The following PINK1 variants were observed in gnomAD, a reference collection of about 807,000 sequenced individuals.
The protein encoded by PINK1 is serine/threonine-protein kinase PINK1, mitochondrial.
Under a neutral mutation model 56.0 loss-of-function variants are expected in PINK1, and 58 were observed. The ratio of observed to expected loss-of-function variants is 1.04; its 90% CI spans 0.84 to 1.29. PINK1 has a LOEUF of 1.29. PINK1 is among the 50% of genes most tolerant of loss of function. The pLI is 0.00. For missense variants in PINK1, 745 were observed against 777.9 expected (o/e 0.96, Z 0.50); for synonymous variants, 354 against 339.3 (o/e 1.04, Z -0.48).
intron 5 of PINK1, 178 bp from the exon 6 acceptor site, chr1:20,648,327 C>A (rs1349103961): frequency 5.0e-5 from 41 of 813,698 alleles, no homozygotes; most frequent in Middle Eastern, 6.5e-4. Context: ...GAGGCATTTC[C>A]GTGTTCGCAC....
Position 20,637,899 on chromosome 1 carries a change from C to T in PINK1, c.445C>T (p.Gln149Ter), listed in dbSNP as rs2053073190. Residue 149 changes from glutamine (Q) to a stop codon, truncating the protein, a stop_gained, in exon 2 of 8, where the codon CAG (glutamine) becomes TAG (stop). Coordinates refer to ENST00000321556, the MANE Select transcript of PINK1 (RefSeq NM_032409.3). LOFTEE classifies it high-confidence loss of function. Reference protein sequence around the residue: ...GPDPLDTRRLQGFRLEEYLIG... With the variant: ...GPDPLDTRRL ...TGACCCGTTGGACACGAGACGCTTG[C>T]AGGGCTTTCGGCTGGAGGAGTATCT... 3 of 1,614,218 alleles carry T rather than the reference C, an allele frequency of 1.9e-6. No homozygotes were observed. The highest frequency in any genetic ancestry group is 2.5e-6 in the Non-Finnish European group (3 of 1,180,040).
intron 3 of PINK1, among the ~76,000 whole-genome samples, chr1:20,644,268 G>GGACA (rs1557563838): frequency 6.6e-6 from 1 of 152,118 alleles, no homozygotes; most frequent in Non-Finnish European, 1.5e-5. Flanking sequence ...ATGGACGGAC[G>GGACA]GACAGACGGA....
intron 1 of PINK1, among the ~76,000 whole-genome samples, chr1:20,635,878 A>G (rs1021458356): frequency 6.8e-6 from 1 of 146,930 alleles, no homozygotes; most frequent in Non-Finnish European, 1.5e-5. Flanking sequence ...AAAATAAAAA[A>G]TTCTGAAGCC....
intron 2 of PINK1, chr1:20,639,674 A>G (rs555900636): frequency 6.9e-5 from 43 of 625,576 alleles, no homozygotes; most frequent in African/African-American, 6.8e-4. Context: ...GAGTTTGAGG[A>G]GTGTGAAGAA....
chr1:20,639,970 G>A lies in PINK1; in HGVS notation c.754G>A (p.Glu252Lys), dbSNP rs1310430648. Residue 252 changes from glutamate to lysine, a missense_variant, in exon 3 of 8, where the codon GAG becomes AAG. Transcript: ENST00000321556. ...VPASRVALAG[E>K]YGAVTYRKSK... ...AGCGAGCCGAGTGGCCTTGGCTGGG[G>A]AGTATGGAGCAGTCACTTACAGGTA... 7.5e-6 allele frequency: 12 copies of A among 1,610,698 alleles called. No individual in the cohort carries two copies. Among genetic ancestry groups the A allele is most frequent in the Admixed American group, 6.7e-5 (4 of 59,718 alleles).
intron 1 of PINK1, 47 bp downstream of exon 1, chr1:20,633,982 C>T (rs2053025471): frequency 1.1e-5 from 5 of 435,228 alleles, no homozygotes; most frequent in Non-Finnish European, 1.6e-5. Context: ...GAGCTAAGCG[C>T]GGGGGCGGGT....
At chr1:20,649,396 AG>A in intron 7 of PINK1, 165 bp downstream of exon 7, 1 of 684,210 alleles carries the variant, frequency 1.5e-6, no homozygotes, top group South Asian at 1.8e-5. Flanking sequence ...TGTAGGTAGG[AG>A]TAGGAGCACT....
intron 3 of PINK1, among the ~76,000 whole-genome samples, chr1:20,642,506 G>A (rs1281545913): frequency 1.3e-5 from 2 of 152,170 alleles, no homozygotes; most frequent in Admixed American, 1.3e-4. Flanking sequence ...TGGGAGGAGT[G>A]AGTATGAAAC....
chr1:20,635,950 T>C (rs2053052893), intron 1 of PINK1, among the ~76,000 whole-genome samples: 1 of 152,196 alleles, frequency 6.6e-6, no homozygotes. Context: ...GAGAATCTCT[T>C]GAGCCCAGGA....
chr1:20,648,936 G>T lies in PINK1; in HGVS notation c.1252-59G>T. 4 of 1,544,568 alleles carry T rather than the reference G, an allele frequency of 2.6e-6. No individual in the cohort carries two copies. In the Admixed American group the frequency reaches 5.0e-5, roughly 19 times the overall value. ...TAGCCCATGGATCAGGTGATGTGCA[G>T]GACATGAAAAGGTTAGATGGGCGGG... On this transcript the variant is annotated intron_variant, in intron 6 of 7. Transcript: ENST00000321556.
chr1:20,650,124 AGAG>A, intron 7 of PINK1: 1 of 439,056 alleles, frequency 2.3e-6, no homozygotes, highest in East Asian at 4.8e-5. Flanking sequence ...ATGAAATGAT[AGAG>A]GAGACTACTT....
Position 20,649,168 on chromosome 1 carries a change from C to G in PINK1, c.1425C>G (p.Pro475=). The part of the protein sequence containing the change: ...SYQEAQLPAL[P]ESVPPDVRQL... Reference sequence around the variant, plus strand: ...AAGAGGCTCAGCTACCTGCACTGCCCGAGTCAGTGCCTCCAGACGTGAGAC... The same window carrying G: ...AAGAGGCTCAGCTACCTGCACTGCCGGAGTCAGTGCCTCCAGACGTGAGAC... Residue 475 remains proline (P), a synonymous_variant, in exon 7 of 8, where the codon CCC becomes CCG. Transcript: ENST00000321556. 5 of 1,614,202 alleles carry G rather than the reference C, an allele frequency of 3.1e-6. No homozygotes were observed. The highest frequency in any genetic ancestry group is 4.2e-6 in the Non-Finnish European group (5 of 1,180,038).
chr1:20,643,988 GAAT>G (rs2154533814), intron 3 of PINK1, among the ~76,000 whole-genome samples: 1 of 151,898 alleles, frequency 6.6e-6, no homozygotes, highest in African/African-American at 2.4e-5. Flanking sequence ...TAATAAAATA[GAAT>G]AATTATGACA....
At chr1:20,646,858 A>ATTTC (rs1342484252) in intron 5 of PINK1, among the ~76,000 whole-genome samples, 2 of 62,676 alleles carry the variant, frequency 3.2e-5, no homozygotes, top group African/African-American at 4.3e-5. Context: ...GGCTTTTATT[A>ATTTC]TTTCTTTATT....
chr1:20,644,440 G>A (rs1404274353), intron 3 of PINK1, 50 bp from the exon 4 acceptor site: 5 of 1,573,932 alleles, frequency 3.2e-6, no homozygotes, highest in Non-Finnish European at 3.5e-6. Context: ...TTCTTTCCAG[G>A]TGTTGTATCT....
At chr1:20,648,690 T>G (rs1345375326) in intron 6 of PINK1, 58 bp downstream of exon 6, 43 of 1,604,574 alleles carry the variant, frequency 2.7e-5, no homozygotes, top group Non-Finnish European at 3.3e-5. Flanking sequence ...GTCCACTGAA[T>G]GCAGGAGACT....
At chr1:20,647,053 ATTTT>A (rs71585775) in intron 5 of PINK1, among the ~76,000 whole-genome samples, 9 of 91,474 alleles carry the variant, frequency 9.8e-5, no homozygotes, top group African/African-American at 3.4e-4. Context: ...CTAATTTTTG[ATTTT>A]TTTTTTTTTT....
At chr1:20,643,197 G>T (rs879086) in intron 3 of PINK1, 5 of 152,084 alleles carry the variant, frequency 3.3e-5, no homozygotes, top group Non-Finnish European at 5.9e-5. Flanking sequence ...TCTGGGTCTC[G>T]AGTGTCACTG....
rs768105319 is a variant in PINK1 at position 20,650,421 on chromosome 1, C to G, written c.1489-13C>G. ...AACAGATGTTCTAGCTACAGCTTCC[C>G]TTCCTGTTGCAGAGACCATCTGCCC... On this transcript the variant is annotated splice_polypyrimidine_tract_variant and intron_variant, in intron 7 of 7. Transcript: ENST00000321556. 2 of 1,613,736 alleles carry G rather than the reference C, an allele frequency of 1.2e-6. No individual in the cohort carries two copies. Among genetic ancestry groups the G allele is most frequent in the African/African-American group, 1.3e-5 (1 of 75,048 alleles).
Sources: gnomAD v4.1 joint callset for allele counts (sites outside exome capture counted in the v4.1 genomes callset) on GRCh38, gnomAD v4.1.1 for gene constraint, MANE v1.5 for transcripts, NCBI Gene and HGNC (gene_info 2026-07-23, HGNC 2026-07-21) for gene names.